The following PDE4D variants were observed in gnomAD, a reference collection of about 807,000 sequenced individuals.
The protein encoded by PDE4D is 3',5'-cyclic-AMP phosphodiesterase 4D.
A neutral mutation model predicts 87.4 loss-of-function variants in PDE4D; 24 were observed. That is an observed-to-expected ratio of 0.27 (90% CI 0.20 to 0.39). PDE4D has a LOEUF of 0.39. Among genes scored for constraint, PDE4D ranks in the 10% least tolerant of loss-of-function variants. PDE4D has a pLI of 1.00. For synonymous variants in PDE4D, 384 were observed against 383.2 expected (o/e 1.00, Z -0.02); for missense variants, 714 against 1,041.0 (o/e 0.69, Z 4.32).
intron 1 of PDE4D, among the ~76,000 whole-genome samples, chr5:60,389,615 G>A (rs1021810610): frequency 6.6e-5 from 10 of 152,278 alleles, no homozygotes; most frequent in Non-Finnish European, 1.2e-4. Context: ...TCTGTGCCAT[G>A]TAATGTCGGC....
chr5:59,076,994 A>G (rs1409430979), intron 5 of PDE4D, among the ~76,000 whole-genome samples: 3 of 152,200 alleles, frequency 2.0e-5, no homozygotes, highest in Non-Finnish European at 4.4e-5. Flanking sequence ...TATCTACTAA[A>G]TAAGTTTCTT....
chr5:59,947,893 G>C (rs1757885589), intron 3 of PDE4D, among the ~76,000 whole-genome samples: 1 of 152,162 alleles, frequency 6.6e-6, no homozygotes, highest in Non-Finnish European at 1.5e-5. Context: ...TATAATCCCA[G>C]CTACTCAGGA....
At chr5:59,389,909 G>T (rs1011141792) in intron 1 of PDE4D, among the ~76,000 whole-genome samples, 2 of 152,104 alleles carry the variant, frequency 1.3e-5, no homozygotes, top group African/African-American at 4.8e-5. Context: ...TTAGATAGAA[G>T]AAATAAGTTC....
At chr5:59,603,572 T>C (rs1450968922) in intron 1 of PDE4D, among the ~76,000 whole-genome samples, 1 of 151,958 alleles carries the variant, frequency 6.6e-6, no homozygotes, top group Non-Finnish European at 1.5e-5. Flanking sequence ...ACAGCCATTA[T>C]AAAAAATAGT....
intron 1 of PDE4D, among the ~76,000 whole-genome samples, chr5:59,598,022 GC>G (rs2153705449): frequency 6.6e-6 from 1 of 152,128 alleles, no homozygotes; most frequent in East Asian, 1.9e-4. Context: ...GCACAACAAA[GC>G]AAAACATGAA....
At chr5:59,278,850 C>A (rs1027387498) in intron 1 of PDE4D, among the ~76,000 whole-genome samples, 2 of 152,096 alleles carry the variant, frequency 1.3e-5, no homozygotes, top group African/African-American at 2.4e-5. Context: ...GCAACACTTA[C>A]ATGGAAAGCG....
intron 1 of PDE4D, among the ~76,000 whole-genome samples, chr5:59,867,992 G>A (rs1747289276): frequency 6.6e-6 from 1 of 152,268 alleles, no homozygotes; most frequent in Admixed American, 6.5e-5. Context: ...TCGTGTGCTT[G>A]TATCATCGAG....
In PDE4D at chr5:59,893,601, C is replaced by G; in HGVS notation, c.22G>C (p.Ala8Pro). 1.3e-6 allele frequency: 2 copies of G among 1,516,360 alleles called. No homozygotes were observed. Among genetic ancestry groups the G allele is most frequent in the Non-Finnish European group, 1.8e-6 (2 of 1,133,708 alleles). 93.9% of individuals were successfully genotyped at this position (1,516,360 alleles called of 1,614,324 possible). The change falls in exon 1 of 15, where the codon GCG becomes CCG. Residue 8 changes from alanine (A) to proline (P), a missense_variant. This residue lies in a region of PDE4D where 268 missense variants were observed against 272.9 expected (regional missense o/e 0.98). Coordinates refer to ENST00000340635, the MANE Select transcript of PDE4D (RefSeq NM_001104631.2). ...TCTCCGCTGCCCGCCCGGGCCGGCG[C>G]GCTGCTGCCCTCTGCCTCCATCCTG... MEAEGSSAPARAGSGEGS... is the reference protein window; with the variant it reads MEAEGSSPPARAGSGEGS...
intron 5 of PDE4D, among the ~76,000 whole-genome samples, chr5:59,178,580 C>T (rs1320795952): frequency 6.6e-6 from 1 of 152,120 alleles, no homozygotes. Context: ...TAGCTACTCT[C>T]TCCTGTTAAT....
At chr5:60,089,833 A>G (rs1030284399) in intron 2 of PDE4D, among the ~76,000 whole-genome samples, 1 of 151,776 alleles carries the variant, frequency 6.6e-6, no homozygotes, top group Non-Finnish European at 1.5e-5. Context: ...GAAAAAGAAT[A>G]TATTACAACT....
intron 1 of PDE4D, among the ~76,000 whole-genome samples, chr5:59,293,684 A>T (rs1287002464): frequency 5.9e-5 from 9 of 152,154 alleles, no homozygotes; most frequent in Non-Finnish European, 4.4e-5. Context: ...TTCTTACCTA[A>T]ATAGGAACTA....
intron 2 of PDE4D, among the ~76,000 whole-genome samples, chr5:60,074,828 C>T (rs1433733848): frequency 6.6e-6 from 1 of 152,070 alleles, no homozygotes; most frequent in Non-Finnish European, 1.5e-5. Flanking sequence ...ATTGCAACCC[C>T]TGTTTTTTTC....
At chr5:59,339,811 A>T (rs1353092312) in intron 1 of PDE4D, among the ~76,000 whole-genome samples, 1 of 152,212 alleles carries the variant, frequency 6.6e-6, no homozygotes, top group Non-Finnish European at 1.5e-5. Flanking sequence ...GAATTCAAAA[A>T]TACTAAGAAA....
At chr5:59,015,357 T>C (rs895882321) in intron 6 of PDE4D, among the ~76,000 whole-genome samples, 4 of 151,888 alleles carry the variant, frequency 2.6e-5, no homozygotes, top group Non-Finnish European at 5.9e-5. Context: ...TGGGAGAAAA[T>C]TTTTGCTATC....
In PDE4D at chr5:59,401,359, G is replaced by A. The variant is rs191759554; in HGVS notation, c.456-185391C>T. 3.1e-3 allele frequency among the ~76,000 whole-genome samples: 473 copies of A among 152,220 alleles called. 1 individual carries two copies. Among genetic ancestry groups the A allele is most frequent in the Non-Finnish European group, 4.6e-3 (315 of 68,012 alleles). On this transcript the variant is annotated intron_variant, in intron 1 of 14. Transcript: ENST00000340635. ...ACCTGTAGATCGCTGGAGCCCAAAC[G>A]TTCAAGGTTACAGTGACCTATGGTC... is the stretch of plus-strand genomic sequence containing the variant.
In PDE4D at chr5:59,707,343, G is replaced by A. The variant is rs774867116; in HGVS notation, c.455+185825C>T. ...CTTGGCACTGAGGGGAATAAAAAATGAGAAAATACAGTCTCTGCCTTTATG... is the reference window on the plus strand; with the variant it reads ...CTTGGCACTGAGGGGAATAAAAAATAAGAAAATACAGTCTCTGCCTTTATG... On this transcript the variant is annotated intron_variant, in intron 1 of 14. Transcript: ENST00000340635. Among the ~76,000 whole-genome samples the A allele has an allele frequency of 4.5e-4, 68 of 152,078 alleles. 3 individuals are homozygous for A. The highest frequency in any genetic ancestry group is 3.4e-4 in the Non-Finnish European group (23 of 67,998).
At chr5:60,480,588 G>A (rs559219692) in intron 1 of PDE4D, among the ~76,000 whole-genome samples, 5 of 152,174 alleles carry the variant, frequency 3.3e-5, no homozygotes, top group African/African-American at 1.2e-4. Flanking sequence ...GTTATGGGTT[G>A]ATGCAAAAGT....
chr5:60,295,642 T>C (rs1753312350), intron 1 of PDE4D, among the ~76,000 whole-genome samples: 2 of 152,272 alleles, frequency 1.3e-5, no homozygotes, highest in African/African-American at 4.8e-5. Context: ...CTCCAGACGT[T>C]GCCTAATGTC....
At chr5:59,058,177 T>C (rs1019431782) in intron 5 of PDE4D, among the ~76,000 whole-genome samples, 10 of 152,326 alleles carry the variant, frequency 6.6e-5, no homozygotes, top group Middle Eastern at 3.4e-3. Flanking sequence ...CTGTTAAGGC[T>C]TCTTTTCTAT....
Sources: gnomAD v4.1 joint callset for allele counts (sites outside exome capture counted in the v4.1 genomes callset) on GRCh38, gnomAD v4.1.1 for gene constraint, gnomAD v4.1.1 regional missense constraint, MANE v1.5 for transcripts, NCBI Gene and HGNC (gene_info 2026-07-23, HGNC 2026-07-21) for gene names.